The following RGS6 variants were observed in gnomAD, a reference collection of about 807,000 sequenced individuals.
RGS6 encodes the protein regulator of G-protein signaling 6.
In RGS6, 30 loss-of-function variants were observed where a neutral mutation model predicts 78.5. The observed-to-expected ratio is 0.38, with a 90% CI of 0.29 to 0.52. The LOEUF (loss-of-function observed/expected upper bound fraction) is 0.52, where lower values mean the gene tolerates loss of function less well. RGS6 is among the 20% of genes least tolerant of loss of function. The probability of loss-of-function intolerance (pLI) is 0.85; values close to 1 mark genes in which losing one functional copy is unlikely to be tolerated. For synonymous variants in RGS6, 206 were observed against 206.0 expected (o/e 1.00, Z 0.00); for missense variants, 495 against 609.7 (o/e 0.81, Z 1.98).
intron 2 of RGS6, among the ~76,000 whole-genome samples, chr14:72,202,427 T>C (rs148355360): frequency 1.3e-3 from 195 of 152,294 alleles, no homozygotes; most frequent in African/African-American, 4.2e-3. Flanking sequence ...GAGTCCATTC[T>C]GCAAGGGGGC....
chr14:72,152,827 C>T (rs755396500), intron 2 of RGS6, among the ~76,000 whole-genome samples: 15 of 152,160 alleles, frequency 9.9e-5, no homozygotes, highest in Admixed American at 1.3e-4. Context: ...GGGTCCTTGT[C>T]ACACGGCTAT....
At chr14:71,867,626 A>C in the RGS6 span, among the ~76,000 whole-genome samples, 1 of 152,208 alleles carries the variant, frequency 6.6e-6, no homozygotes, top group Non-Finnish European at 1.5e-5. Context: ...CGAGAGGGGT[A>C]GGCTGGCATT....
the RGS6 span, among the ~76,000 whole-genome samples, chr14:72,582,338 C>T: frequency 2.0e-5 from 3 of 152,126 alleles, no homozygotes; most frequent in Admixed American, 1.3e-4. Flanking sequence ...TCCTACAGGG[C>T]AAGGATGCTG....
intron 2 of RGS6, among the ~76,000 whole-genome samples, chr14:72,085,161 T>G (rs1456160915): frequency 6.6e-6 from 1 of 152,166 alleles, no homozygotes; most frequent in East Asian, 1.9e-4. Context: ...TTTGCAACAG[T>G]AAGGCGTGAG....
At chr14:72,344,670 C>T (rs951099372) in intron 2 of RGS6, among the ~76,000 whole-genome samples, 1 of 152,170 alleles carries the variant, frequency 6.6e-6, no homozygotes, top group Non-Finnish European at 1.5e-5. Flanking sequence ...TATTAGGATT[C>T]AGTGGTGAGC....
At chr14:72,295,135 CA>C (rs1012944072) in intron 2 of RGS6, among the ~76,000 whole-genome samples, 1 of 151,392 alleles carries the variant, frequency 6.6e-6, no homozygotes, top group East Asian at 1.9e-4. Context: ...ACTAAAAATA[CA>C]AAAAATTAGC....
At chr14:72,606,661 T>C in the RGS6 span, among the ~76,000 whole-genome samples, 2 of 152,356 alleles carry the variant, frequency 1.3e-5, no homozygotes, top group East Asian at 1.9e-4. Flanking sequence ...TCCCCGCTGA[T>C]AGTTTGGATG....
chr14:72,205,317 G>A (rs1036639904), intron 2 of RGS6, among the ~76,000 whole-genome samples: 6 of 151,966 alleles, frequency 3.9e-5, no homozygotes, highest in Admixed American at 6.6e-5. Context: ...TAATGTGTCC[G>A]CCCTCTTTCC....
At chr14:72,001,688 C>G (rs12586968) in intron 2 of RGS6, among the ~76,000 whole-genome samples, 95,116 of 151,818 alleles carry the variant, frequency 0.63, 30,413 homozygotes, top group South Asian at 0.7. Flanking sequence ...TGTATGGTTT[C>G]TGAAATGGAT....
rs1440413398 is a variant in RGS6 at position 72,053,136 on chromosome 14, T to C, written c.84+88261T>C. Among the ~76,000 whole-genome samples, 48 of 102,514 alleles carry C rather than the reference T, an allele frequency of 4.7e-4. No homozygotes were observed. In the East Asian group the frequency reaches 0.011, roughly 24 times the overall value. The allele number at this position is 102,514 out of a possible 152,430, so 67.3% of individuals were successfully genotyped here. On this transcript the variant is annotated intron_variant, in intron 2 of 17. Transcript: ENST00000553525. ...TCCTTCCTTCCTTCCTTCCTTTCTT[T>C]TTTTGATGGAGTCTCGCTCTGTCAC...
the RGS6 span, among the ~76,000 whole-genome samples, chr14:71,921,572 G>A: frequency 2.0e-5 from 3 of 152,226 alleles, no homozygotes; most frequent in African/African-American, 7.2e-5. Flanking sequence ...CAATGTGGAT[G>A]ACCCTGGCAG....
At chr14:72,100,398 G>A (rs2095503325) in intron 2 of RGS6, among the ~76,000 whole-genome samples, 1 of 152,164 alleles carries the variant, frequency 6.6e-6, no homozygotes, top group Non-Finnish European at 1.5e-5. Context: ...GGGAGGCTGA[G>A]GCAGGAGAAT....
intron 2 of RGS6, among the ~76,000 whole-genome samples, chr14:72,219,176 A>G (rs999655425): frequency 6.6e-6 from 1 of 152,092 alleles, no homozygotes; most frequent in Non-Finnish European, 1.5e-5. Context: ...AGAAAGGAGA[A>G]TGTCATCTTG....
intron 14 of RGS6, among the ~76,000 whole-genome samples, chr14:72,515,368 T>C (rs1342078860): frequency 6.6e-6 from 1 of 152,258 alleles, no homozygotes; most frequent in Non-Finnish European, 1.5e-5. Context: ...TAAAAGTTTA[T>C]TAAATTTGAT....
At position 72,563,251 on chromosome 14, in the gene RGS6, A is replaced by G. The variant is rs922796337; in HGVS notation, c.*784A>G. On this transcript the variant is annotated 3_prime_UTR_variant, in exon 18 of 18. Transcript: ENST00000553525. ...GCGGGGATTCTGCTGACCATCTTTTAGAAAATTATTTCATAATTTATTCTG... is the reference window on the plus strand; with the variant it reads ...GCGGGGATTCTGCTGACCATCTTTTGGAAAATTATTTCATAATTTATTCTG... 2.5e-5 allele frequency: 4 copies of G among 160,006 alleles called. No individual in the cohort carries two copies. Among genetic ancestry groups the G allele is most frequent in the African/African-American group, 9.6e-5 (4 of 41,728 alleles). 9.9% of individuals were successfully genotyped at this position (160,006 alleles called of 1,614,324 possible). A position where few individuals can be genotyped will look rare whatever the true frequency, so the allele number is the denominator to read the frequency against.
At chr14:72,401,834 A>C (rs2092436151) in intron 3 of RGS6, among the ~76,000 whole-genome samples, 1 of 152,176 alleles carries the variant, frequency 6.6e-6, no homozygotes, top group African/African-American at 2.4e-5. Flanking sequence ...GTCAGCCGCC[A>C]CCACAGCAAA....
rs560215421 is a variant in RGS6, at chr14:72,206,146, A to G, written c.85-145949A>G. Among the ~76,000 whole-genome samples, 5 of 152,268 alleles carry G rather than the reference A, an allele frequency of 3.3e-5. No homozygotes were observed. In the East Asian group the frequency reaches 9.6e-4, roughly 29 times the overall value. ...GGTAAATCAATTATAATATGCCTCT[A>G]CTCTTGAATATTGTACAACAGTCAA... is the stretch of plus-strand genomic sequence containing the variant. On this transcript the variant is annotated intron_variant, in intron 2 of 17. Transcript: ENST00000553525.
chr14:72,451,694 G>A (rs2095496884), intron 3 of RGS6, among the ~76,000 whole-genome samples: 1 of 152,150 alleles, frequency 6.6e-6, no homozygotes, highest in Admixed American at 6.5e-5. Context: ...GCAGGCCTGG[G>A]GGAGAACTCA....
At chr14:72,507,100 C>T (rs1381415454) in intron 13 of RGS6, among the ~76,000 whole-genome samples, 6 of 150,892 alleles carry the variant, frequency 4.0e-5, no homozygotes, top group South Asian at 4.2e-4. Context: ...ACCCAGGAGG[C>T]GGAGCCTGCA....
Sources: allele counts gnomAD v4.1 joint callset (sites outside exome capture counted in the v4.1 genomes callset), GRCh38; gene constraint gnomAD v4.1.1; transcripts MANE v1.5; gene names NCBI Gene and HGNC (gene_info 2026-07-23, HGNC 2026-07-21).